SLC12A7: variants seen among roughly 807,000 people sequenced by gnomAD.
SLC12A7 encodes the protein K-Cl cotransporter 4.
A neutral mutation model predicts 120.6 loss-of-function variants in SLC12A7; 100 were observed. The ratio of observed to expected loss-of-function variants is 0.83; its 90% confidence interval spans 0.71 to 0.98. The LOEUF is 0.98. Ranked by LOEUF, SLC12A7 falls within the 50% of genes least tolerant of loss-of-function variation. SLC12A7 has a pLI of 0.00. For synonymous variants in SLC12A7, 760 were observed against 678.0 expected, an observed-to-expected ratio of 1.12 and a Z score of -1.88; for missense variants, 1,373 against 1,548.1, an observed-to-expected ratio of 0.89 and a Z score of 1.90.
At chr5:1,056,541 C>T in intron 22 of SLC12A7, 1 of 977,696 alleles carries the variant, frequency 1.0e-6, no homozygotes, top group Middle Eastern at 5.3e-4. Context: ...TGCAGGGCAA[C>T]CGGGCCCGGA....
At position 1,073,293 on chromosome 5, in the gene SLC12A7, C is replaced by T. The variant is rs143541617; in HGVS notation, c.2241+340G>A. On this transcript the variant is annotated intron_variant, in intron 17 of 23. Coordinates refer to ENST00000264930, the MANE Select transcript of SLC12A7 (RefSeq NM_006598.3). ...GAGCCCCCAGCACACGGGCATCACA[C>T]TTATGCAGCCCCCAGTGAGCCTGAA... Among the ~76,000 whole-genome samples the T allele has an allele frequency of 5.8e-3, 856 of 148,018 alleles. 54 individuals are homozygous for T. The highest frequency in any genetic ancestry group is 0.021 in the African/African-American group (805 of 38,098).
intron 14 of SLC12A7, 82 bp from the exon 15 acceptor site, chr5:1,075,572 C>T: frequency 6.6e-7 from 1 of 1,515,430 alleles, no homozygotes; most frequent in Admixed American, 2.1e-5. Flanking sequence ...GACACTGCCC[C>T]TCCCTCAGTA....
chr5:1,085,219 C>G lies in SLC12A7; in HGVS notation c.917+13G>C. On this transcript the variant is annotated intron_variant, in intron 7 of 23. Transcript: ENST00000264930. ...CCCACACCCACCCACGGCTCAGAGGCCCCGAGACTCACGGGATGTCCGGGG... is the reference window on the plus strand; with the variant it reads ...CCCACACCCACCCACGGCTCAGAGGGCCCGAGACTCACGGGATGTCCGGGG... The G allele has an allele frequency of 6.2e-7, 1 of 1,611,310 alleles. No homozygotes were observed. The highest frequency in any genetic ancestry group is 1.1e-5 in the South Asian group (1 of 90,864).
chr5:1,137,092 C>A, the SLC12A7 span, among the ~76,000 whole-genome samples: 2 of 152,208 alleles, frequency 1.3e-5, no homozygotes, highest in African/African-American at 2.4e-5. Context: ...GCCAGTGTTT[C>A]CCAGCCCAGA....
the SLC12A7 span, among the ~76,000 whole-genome samples, chr5:1,122,462 A>G: frequency 6.6e-6 from 1 of 152,206 alleles, no homozygotes; most frequent in African/African-American, 2.4e-5. Flanking sequence ...TCCTTTTTCT[A>G]AAAAAATCCA....
chr5:1,095,999 G>A (rs184834981), intron 1 of SLC12A7, among the ~76,000 whole-genome samples: 3 of 152,200 alleles, frequency 2.0e-5, no homozygotes. Context: ...AGACAACTCA[G>A]AGGAAGCTCC....
intron 1 of SLC12A7, among the ~76,000 whole-genome samples, chr5:1,095,910 C>T (rs967253309): frequency 5.3e-5 from 8 of 152,236 alleles, no homozygotes; most frequent in Non-Finnish European, 4.4e-5. Context: ...TGAGTGACTG[C>T]AGATGCCTAG....
the SLC12A7 span, among the ~76,000 whole-genome samples, chr5:1,136,246 C>T: frequency 1.3e-5 from 2 of 151,604 alleles, no homozygotes; most frequent in South Asian, 4.1e-4. Flanking sequence ...CCCTCCAACC[C>T]AGCTCCGAGA....
At chr5:1,104,174 G>A (rs1362028603) in intron 1 of SLC12A7, among the ~76,000 whole-genome samples, 3 of 152,292 alleles carry the variant, frequency 2.0e-5, no homozygotes, top group East Asian at 1.9e-4. Context: ...TGCCCAGGGC[G>A]TCTCTGAGCC....
In SLC12A7 at chr5:1,050,477, T is replaced by C. The variant is rs959752613; in HGVS notation, c.*1883A>G. ...GTCAATTGTAAATGGCTGTAGTTAC[T>C]GGTTACACGGAGTTGACAACACAAA... On this transcript the variant is annotated 3_prime_UTR_variant, in exon 24 of 24. Transcript: ENST00000264930. The C allele has an allele frequency of 3.6e-5, 7 of 194,020 alleles. No homozygotes were observed. Among genetic ancestry groups the C allele is most frequent in the African/African-American group, 4.6e-5 (2 of 43,124 alleles). 12.0% of individuals were successfully genotyped at this position (194,020 alleles called of 1,614,324 possible).
intron 8 of SLC12A7, 119 bp from the exon 9 acceptor site, chr5:1,081,863 T>A: frequency 1.7e-6 from 2 of 1,197,708 alleles, no homozygotes; most frequent in Non-Finnish European, 2.3e-6. Context: ...TCACAGCTTG[T>A]GCGCCGCAAG....
At chr5:1,108,108 A>G (rs1177512675) in intron 1 of SLC12A7, among the ~76,000 whole-genome samples, 2 of 152,212 alleles carry the variant, frequency 1.3e-5, no homozygotes, top group African/African-American at 2.4e-5. Context: ...GTGTGTACAT[A>G]TATGTGCACA....
At chr5:1,055,718 C>A (rs1735541240) in intron 22 of SLC12A7, among the ~76,000 whole-genome samples, 1 of 152,202 alleles carries the variant, frequency 6.6e-6, no homozygotes, top group African/African-American at 2.4e-5. Context: ...GTGTGTGTGC[C>A]TGTGCATGTG....
chr5:1,138,684 T>G, the SLC12A7 span, among the ~76,000 whole-genome samples: 4 of 152,202 alleles, frequency 2.6e-5, no homozygotes, highest in South Asian at 8.3e-4. Flanking sequence ...GTTCCAGGAA[T>G]CAGGACATAG....
chr5:1,099,303 T>G lies in SLC12A7; in HGVS notation c.125-5055A>C, dbSNP rs113541147. 9.5e-4 allele frequency among the ~76,000 whole-genome samples: 107 copies of G among 112,116 alleles called. 1 individual carries two copies. The highest frequency in any genetic ancestry group is 2.6e-3 in the African/African-American group (94 of 35,574). The allele number at this position is 112,116 out of a possible 152,430, so 73.6% of individuals were successfully genotyped here. On this transcript the variant is annotated intron_variant, in intron 1 of 23. Coordinates refer to ENST00000264930, the MANE Select transcript of SLC12A7 (RefSeq NM_006598.3). ...CCCGGACCCGGTCCACCTCCTCCGG[T>G]GGACGGCAGAACCCAACCCGGTCCA...
At chr5:1,113,965 C>T (rs574115970), upstream of SLC12A7, among the ~76,000 whole-genome samples, 63 of 152,322 alleles carry the variant, frequency 4.1e-4, no homozygotes, top group Admixed American at 2.5e-3. Flanking sequence ...GCAGGGCTCC[C>T]GTCGCACATC....
chr5:1,075,107 C>CA (rs1738179371), intron 15 of SLC12A7, among the ~76,000 whole-genome samples: 1 of 152,232 alleles, frequency 6.6e-6, no homozygotes, highest in Non-Finnish European at 1.5e-5. Flanking sequence ...GCCGTGGGCT[C>CA]ACCGCCTGCT....
intron 22 of SLC12A7, among the ~76,000 whole-genome samples, chr5:1,055,530 CAA>C (rs1432904182): frequency 2.0e-5 from 3 of 152,194 alleles, no homozygotes; most frequent in African/African-American, 7.2e-5. Context: ...ACTGCTGGGC[CAA>C]GAGAGTCAAT....
intron 1 of SLC12A7, among the ~76,000 whole-genome samples, chr5:1,109,953 G>A (rs1454950487): frequency 1.3e-5 from 2 of 152,240 alleles, no homozygotes; most frequent in African/African-American, 2.4e-5. Context: ...ACCCCACACA[G>A]AAGGCCTTTG....
Sources: allele counts gnomAD v4.1 joint callset (sites outside exome capture counted in the v4.1 genomes callset), GRCh38; gene constraint gnomAD v4.1.1; transcripts MANE v1.5; gene names NCBI Gene and HGNC (gene_info 2026-07-23, HGNC 2026-07-21).